Variants in NFS1 observed in about 807,000 individuals in gnomAD.
The protein encoded by NFS1 is NFS1 cysteine desulfurase, also known as cysteine desulfurase.
In NFS1, 26 loss-of-function variants were observed where a neutral mutation model predicts 57.3. The observed-to-expected ratio is 0.45, with a 90% CI of 0.33 to 0.63. NFS1 has a LOEUF of 0.63. Ranked by LOEUF, NFS1 falls within the 20% of genes least tolerant of loss-of-function variation. The probability of loss-of-function intolerance (pLI) is 0.02; values close to 1 mark genes in which losing one functional copy is unlikely to be tolerated. For synonymous variants in NFS1, 209 were observed against 216.3 expected, an observed-to-expected ratio of 0.97 and a Z score of 0.30; for missense variants, 505 against 605.8, an observed-to-expected ratio of 0.83 and a Z score of 1.75.
chr20:35,669,649 G>A lies in NFS1; in HGVS notation c.1347C>T (p.Leu449=). Reference sequence around the variant, plus strand: ...AGTGTTGGGTCCACTTGATGCTCTTGAGGTCAATGCCATCCTGAACCATCT... The same window carrying A: ...AGTGTTGGGTCCACTTGATGCTCTTAAGGTCAATGCCATCCTGAACCATCT... ...LWEMVQDGID[L]KSIKWTQH The change falls in exon 13 of 13, where the codon CTC becomes CTT. Residue 449 remains leucine (L), a synonymous_variant. Coordinates refer to ENST00000374092, the MANE Select transcript of NFS1 (RefSeq NM_021100.5). 5 of 1,614,064 alleles carry A rather than the reference G, an allele frequency of 3.1e-6. No individual in the cohort carries two copies. The highest frequency in any genetic ancestry group is 4.2e-6 in the Non-Finnish European group (5 of 1,179,938).
At chr20:35,685,861 C>A (rs1329413532) in intron 5 of NFS1, among the ~76,000 whole-genome samples, 1 of 144,362 alleles carries the variant, frequency 6.9e-6, no homozygotes, top group Non-Finnish European at 1.5e-5. Flanking sequence ...TCAGTACCCC[C>A]CCGCAAAAAA....
intron 7 of NFS1, among the ~76,000 whole-genome samples, chr20:35,676,879 T>C (rs889397646): frequency 2.0e-5 from 3 of 152,004 alleles, no homozygotes; most frequent in Non-Finnish European, 4.4e-5. Flanking sequence ...TTTCCCTTTT[T>C]TTTTGAGACA....
At chr20:35,680,592 G>T in intron 7 of NFS1, 145 bp downstream of exon 7, 1 of 588,094 alleles carries the variant, frequency 1.7e-6, no homozygotes, top group Non-Finnish European at 2.7e-6. Context: ...TCTGGCTATT[G>T]CTAAATGACA....
chr20:35,683,783 T>C (rs1601526447), intron 5 of NFS1, among the ~76,000 whole-genome samples: 1 of 101,500 alleles, frequency 9.9e-6, no homozygotes, highest in Non-Finnish European at 1.8e-5. Flanking sequence ...AGAGTGAGAC[T>C]CCATCTCAAA....
intron 2 of NFS1, 40 bp from the exon 3 acceptor site, chr20:35,697,840 G>A (rs755706448): frequency 7.3e-6 from 10 of 1,377,320 alleles, no homozygotes; most frequent in South Asian, 3.7e-5. Context: ...TGAGCGCATC[G>A]TCAATTCAGG....
At chr20:35,687,253 G>A (rs1051502889) in intron 5 of NFS1, among the ~76,000 whole-genome samples, 5 of 152,258 alleles carry the variant, frequency 3.3e-5, no homozygotes, top group African/African-American at 4.8e-5. Flanking sequence ...AGGCCTAACC[G>A]TCTCCCTGTG....
chr20:35,677,247 T>G (rs187948957), intron 7 of NFS1, among the ~76,000 whole-genome samples: 20 of 152,238 alleles, frequency 1.3e-4, no homozygotes, highest in African/African-American at 4.1e-4. Context: ...TTAAAAACAA[T>G]TTGGTGGAGC....
At chr20:35,689,652 C>G (rs2035007322) in intron 5 of NFS1, among the ~76,000 whole-genome samples, 1 of 152,016 alleles carries the variant, frequency 6.6e-6, no homozygotes, top group Admixed American at 6.6e-5. Context: ...TGCCTGTAAT[C>G]CCAGCTACTT....
chr20:35,698,284 C>T (rs916010599), intron 2 of NFS1, among the ~76,000 whole-genome samples, 197 bp downstream of exon 2: 11 of 152,276 alleles, frequency 7.2e-5, no homozygotes, highest in African/African-American at 2.4e-4. Context: ...CTGAAGTGAT[C>T]TGACCAAGGT....
At chr20:35,680,967 C>T in intron 6 of NFS1, 96 bp from the exon 7 acceptor site, 4 of 1,072,346 alleles carry the variant, frequency 3.7e-6, no homozygotes, top group Non-Finnish European at 5.0e-6. Context: ...TAGTAAATGA[C>T]CTGTAAATAT....
chr20:35,668,423 G>C lies in NFS1; in HGVS notation c.*1199C>G, dbSNP rs1254432181. On this transcript the variant is annotated 3_prime_UTR_variant, in exon 13 of 13. Coordinates refer to ENST00000374092, the MANE Select transcript of NFS1 (RefSeq NM_021100.5). ...ATACTATCTCCTTTTTTAAGTACTG[G>C]TAACTACCCACCTATGGGTTCAGAC... 6.6e-6 allele frequency: 1 copy of C among 151,994 alleles called. No homozygotes were observed. The highest frequency in any genetic ancestry group is 2.4e-5 in the African/African-American group (1 of 41,386). The allele number at this position is 151,994 out of a possible 1,614,324, so 9.4% of individuals were successfully genotyped here.
In NFS1 at chr20:35,680,724, A is replaced by C; in HGVS notation, c.790+13T>G. 1 of 1,499,986 alleles carries C rather than the reference A, an allele frequency of 6.7e-7. No homozygotes were observed. The allele number at this position is 1,499,986 out of a possible 1,614,324, so 92.9% of individuals were successfully genotyped here. A position where few individuals can be genotyped will look rare whatever the true frequency, so the allele number is the denominator to read the frequency against. ...AAGGTACAGAGAGAAGGAACTCTAG[A>C]AGGGGCTGGTACCTTTGGGACCGTA... On this transcript the variant is annotated intron_variant, in intron 7 of 12. Coordinates refer to ENST00000374092, the MANE Select transcript of NFS1 (RefSeq NM_021100.5).
At position 35,675,085 on chromosome 20, in the gene NFS1, C is replaced by T; in HGVS notation, c.908G>A (p.Gly303Glu). The T allele has an allele frequency of 6.2e-7, 1 of 1,614,102 alleles. No homozygotes were observed. The highest frequency in any genetic ancestry group is 8.5e-7 in the Non-Finnish European group (1 of 1,179,996). ...TGCCACCTCACACGCAGCCCCCAGC[C>T]CCACCACTAAGGGTGTGGGCACTGT... ...SGTVPTPLVV[G>E]LGAACEVAQQ... Residue 303 changes from glycine to glutamate, a missense_variant, in exon 8 of 13, where the codon GGG (glycine) becomes GAG (glutamate). Physicochemically the swap from Gly to Glu is moderately conservative, Grantham distance 98. Transcript: ENST00000374092.
At chr20:35,698,760 A>T in intron 1 of NFS1, 170 bp from the exon 2 acceptor site, 1 of 1,413,678 alleles carries the variant, frequency 7.1e-7, no homozygotes, top group South Asian at 1.6e-5. Flanking sequence ...ACGCTGTAAA[A>T]GGAGGTAAGG....
At chr20:35,697,364 T>C (rs1450557762) in intron 3 of NFS1, among the ~76,000 whole-genome samples, 1 of 152,088 alleles carries the variant, frequency 6.6e-6, no homozygotes, top group Non-Finnish European at 1.5e-5. Flanking sequence ...CTTACAGATG[T>C]TGTGGTAATA....
intron 5 of NFS1, among the ~76,000 whole-genome samples, chr20:35,684,364 C>T (rs1601527081): frequency 1.3e-5 from 2 of 150,104 alleles, no homozygotes; most frequent in East Asian, 3.9e-4. Flanking sequence ...GCAGAGATCG[C>T]GCCACTGCAC....
intron 4 of NFS1, among the ~76,000 whole-genome samples, chr20:35,692,082 A>G (rs1175192479): frequency 6.6e-6 from 1 of 152,108 alleles, no homozygotes; most frequent in African/African-American, 2.4e-5. Flanking sequence ...GATACTCTGG[A>G]GGCTGAGGCA....
rs1044610688 is a variant in NFS1 at position 35,699,168 on chromosome 20, C to T, written c.97+24G>A. On this transcript the variant is annotated intron_variant, in intron 1 of 12. Transcript: ENST00000374092. This position sits in a 1 kb window ranked among gnomAD's most constrained non-coding sequence, Gnocchi z 4.4. ...CGCGGAGGGGACAGGTCCGCGCCTCCCGGAGAGCGGGACCCGAGCGTACCG... is the reference window on the plus strand; with the variant it reads ...CGCGGAGGGGACAGGTCCGCGCCTCTCGGAGAGCGGGACCCGAGCGTACCG... The T allele has an allele frequency of 2.2e-5, 30 of 1,389,226 alleles. No individual in the cohort carries two copies. The African/African-American group carries it at 4.3e-4, about 20-fold the overall frequency. 86.1% of individuals were successfully genotyped at this position (1,389,226 alleles called of 1,614,324 possible).
intron 7 of NFS1, among the ~76,000 whole-genome samples, chr20:35,680,026 T>C (rs1379495828): frequency 1.3e-5 from 2 of 152,128 alleles, no homozygotes; most frequent in Non-Finnish European, 2.9e-5. Context: ...CAAAGATAGC[T>C]GGGCTTGGTG....
Sources: allele counts gnomAD v4.1 joint callset (sites outside exome capture counted in the v4.1 genomes callset), GRCh38; gene constraint gnomAD v4.1.1; non-coding constraint Gnocchi (gnomAD v3.1); transcripts MANE v1.5; gene names NCBI Gene and HGNC (gene_info 2026-07-23, HGNC 2026-07-21).